Variants in ERC1 observed in about 807,000 individuals in gnomAD.
ERC1 encodes RAB6 interacting protein 2.
A neutral mutation model predicts 132.0 loss-of-function variants in ERC1; 56 were observed. That is an observed-to-expected ratio of 0.42 (90% confidence interval 0.34 to 0.53). The LOEUF (loss-of-function observed/expected upper bound fraction) is 0.53. Among genes scored for constraint, ERC1 ranks in the 20% least tolerant of loss-of-function variants. The pLI, the probability that ERC1 is intolerant of heterozygous loss-of-function variation, is 0.03. For missense variants in ERC1, 1,202 were observed against 1,349.9 expected (o/e 0.89, Z 1.72); for synonymous variants, 478 against 476.1 (o/e 1.00, Z -0.05).
rs185258601 is a variant in ERC1 at position 1,147,610 on chromosome 12, G to A, written c.1737+5823G>A. ...AGAAGTTACTTGTAATTTTTACTATGATTAATAATGCGTAAGCCTTTTGAT... is the reference window on the plus strand; with the variant it reads ...AGAAGTTACTTGTAATTTTTACTATAATTAATAATGCGTAAGCCTTTTGAT... On this transcript the variant is annotated intron_variant, in intron 8 of 18. Coordinates refer to ENST00000360905, the MANE Select transcript of ERC1 (RefSeq NM_178040.4). Among the ~76,000 whole-genome samples the A allele has an allele frequency of 2.9e-3, 440 of 152,304 alleles. 1 individual carries two copies. The highest frequency in any genetic ancestry group is 9.6e-3 in the African/African-American group (399 of 41,570).
chr12:992,184 A>G (rs1379744791), intron 1 of ERC1, among the ~76,000 whole-genome samples: 9 of 152,124 alleles, frequency 5.9e-5, no homozygotes, highest in Non-Finnish European at 1.0e-4. Flanking sequence ...CCCAATGCCT[A>G]AAAGATCTCT....
In ERC1 at chr12:1,323,981, C is replaced by T. The variant is rs6489280; in HGVS notation, c.2780+33969C>T. Among the ~76,000 whole-genome samples, 1,499 of 152,258 alleles carry T rather than the reference C, an allele frequency of 9.8e-3. 21 individuals are homozygous for T. The highest frequency in any genetic ancestry group is 0.034 in the African/African-American group (1,405 of 41,544). ...TTTGAACCACCCCCTGCCCTCCCAC[C>T]TCCCTGTTATTAGCAGTACATCAAA... is the stretch of plus-strand genomic sequence containing the variant. On this transcript the variant is annotated intron_variant, in intron 15 of 18. Coordinates refer to ENST00000360905, the MANE Select transcript of ERC1 (RefSeq NM_178040.4).
rs566583780 is a variant in ERC1, at chr12:1,102,477, G to A, written c.1087-2273G>A. Among the ~76,000 whole-genome samples the A allele has an allele frequency of 1.3e-4, 20 of 152,238 alleles. 1 individual carries two copies. The South Asian group carries it at 4.1e-3, about 32-fold the overall frequency. ...GTGCTCATGGAGCTATGTAAGCTGTGTAGCATGCTGTATGAGAAATAGGAG... is the reference window on the plus strand; with the variant it reads ...GTGCTCATGGAGCTATGTAAGCTGTATAGCATGCTGTATGAGAAATAGGAG... On this transcript the variant is annotated intron_variant, in intron 3 of 18. Transcript: ENST00000360905.
At position 1,083,307 on chromosome 12, in the gene ERC1, T is replaced by C. The variant is rs765896680; in HGVS notation, c.813T>C (p.His271=). ...ELTEENFQRL[H]AEHERQAKEL... ...CAGAGGAGAACTTTCAGAGGCTTCA[T>C]GCTGAGCATGAGCGGCAGGCCAAAG... Residue 271 remains histidine (H), a synonymous_variant, in exon 3 of 19, where the codon CAT becomes CAC. Coordinates refer to ENST00000360905, the MANE Select transcript of ERC1 (RefSeq NM_178040.4). The C allele has an allele frequency of 6.2e-7, 1 of 1,614,204 alleles. No individual in the cohort carries two copies. Among genetic ancestry groups the C allele is most frequent in the East Asian group, 2.2e-5 (1 of 44,882 alleles).
chr12:1,254,077 A>G (rs188212450), intron 13 of ERC1, among the ~76,000 whole-genome samples: 1 of 152,220 alleles, frequency 6.6e-6, no homozygotes, highest in Non-Finnish European at 1.5e-5. Flanking sequence ...TACATAATCC[A>G]ATGGTAGGAA....
At chr12:1,036,263 A>AT (rs34652414) in intron 2 of ERC1, among the ~76,000 whole-genome samples, 47,931 of 145,640 alleles carry the variant, frequency 0.33, 7,825 homozygotes, top group African/African-American at 0.38. Context: ...ATTCTTTGTC[A>AT]TTTTTTTTTC....
intron 8 of ERC1, among the ~76,000 whole-genome samples, chr12:1,170,197 AT>A (rs1237584793): frequency 2.0e-5 from 3 of 152,188 alleles, no homozygotes; most frequent in Admixed American, 6.5e-5. Flanking sequence ...AAGTTTTTGT[AT>A]CCTTAATTCT....
At chr12:1,457,816 C>T (rs954409534) in intron 18 of ERC1, among the ~76,000 whole-genome samples, 4 of 151,972 alleles carry the variant, frequency 2.6e-5, no homozygotes, top group African/African-American at 9.7e-5. Context: ...TCACTTGAGC[C>T]CAGCAGGTTG....
At chr12:1,046,777 G>T (rs1297844047) in intron 2 of ERC1, among the ~76,000 whole-genome samples, 2 of 152,200 alleles carry the variant, frequency 1.3e-5, no homozygotes, top group African/African-American at 4.8e-5. Context: ...CTGAGGCTGA[G>T]AGTAAGTTGC....
intron 16 of ERC1, among the ~76,000 whole-genome samples, chr12:1,395,979 A>C (rs1485958650): frequency 1.3e-5 from 2 of 152,096 alleles, no homozygotes; most frequent in Non-Finnish European, 2.9e-5. Flanking sequence ...GTGAATATCC[A>C]TAATCAACAA....
intron 12 of ERC1, among the ~76,000 whole-genome samples, chr12:1,219,964 A>T (rs4445697): frequency 6.6e-6 from 1 of 152,116 alleles, no homozygotes; most frequent in Admixed American, 6.6e-5. Flanking sequence ...AGCTCCTTCC[A>T]CAGCTTAGGC....
At chr12:1,014,404 G>C (rs1446971289) in intron 1 of ERC1, among the ~76,000 whole-genome samples, 3 of 152,018 alleles carry the variant, frequency 2.0e-5, no homozygotes, top group Non-Finnish European at 4.4e-5. Flanking sequence ...TCGAACTCCT[G>C]AGCTCAGGAG....
chr12:1,435,415 T>A (rs1175885988), intron 17 of ERC1, among the ~76,000 whole-genome samples: 1 of 152,152 alleles, frequency 6.6e-6, no homozygotes, highest in Admixed American at 6.5e-5. Context: ...TACCCCTGGC[T>A]TTCCTGGAAT....
chr12:1,400,916 A>ATTATTTTTTTTT (rs2090981093), intron 16 of ERC1, among the ~76,000 whole-genome samples: 3 of 15,040 alleles, frequency 2.0e-4, no homozygotes, highest in African/African-American at 9.3e-4. Flanking sequence ...CTATTTTTGT[A>ATTATTTTTTTTT]TTTTTTTTTT....
At chr12:1,481,361 A>G (rs2094088416) in intron 18 of ERC1, among the ~76,000 whole-genome samples, 1 of 152,252 alleles carries the variant, frequency 6.6e-6, no homozygotes, top group South Asian at 2.1e-4. Context: ...AAGCAATCTA[A>G]AAGTTTTAAC....
chr12:1,063,326 T>C (rs189831389), intron 2 of ERC1, among the ~76,000 whole-genome samples: 1 of 152,146 alleles, frequency 6.6e-6, no homozygotes, highest in Admixed American at 6.5e-5. Flanking sequence ...GGTGGCATGA[T>C]CTTGCTTCAC....
At chr12:1,244,424 A>G in intron 13 of ERC1, 1 of 361,194 alleles carries the variant, frequency 2.8e-6, no homozygotes, top group South Asian at 2.1e-5. Flanking sequence ...TTTTGAAGGA[A>G]TTATTTTAGT....
At position 1,262,542 on chromosome 12, in the gene ERC1, C is replaced by G. The variant is rs112593081; in HGVS notation, c.2488-492C>G. On this transcript the variant is annotated intron_variant, in intron 13 of 18. Transcript: ENST00000360905. The stretch of plus-strand genomic sequence containing the variant: ...GGATGCATCACTTGCTTTTCAATGT[C>G]TTTTAAGAAATCGTTTGCTGACAAT... Among the ~76,000 whole-genome samples, 964 of 152,346 alleles carry G rather than the reference C, an allele frequency of 6.3e-3. 8 individuals carry two copies. The highest frequency in any genetic ancestry group is 0.012 in the South Asian group (60 of 4,830).
chr12:1,193,457 T>C (rs1331128560), intron 12 of ERC1, among the ~76,000 whole-genome samples: 2 of 148,916 alleles, frequency 1.3e-5, no homozygotes, highest in East Asian at 2.0e-4. Context: ...CACACACACA[T>C]AGAGATAGAT....
Sources: gnomAD v4.1 joint callset for allele counts (sites outside exome capture counted in the v4.1 genomes callset) on GRCh38, gnomAD v4.1.1 for gene constraint, MANE v1.5 for transcripts, NCBI Gene and HGNC (gene_info 2026-07-23, HGNC 2026-07-21) for gene names.